ST14: variants seen among roughly 807,000 people sequenced by gnomAD.
ST14 encodes the protein suppressor of tumorigenicity 14 protein.
In ST14, 40 loss-of-function variants were observed where a neutral mutation model predicts 96.5. The observed-to-expected ratio is 0.41, with a 90% confidence interval of 0.32 to 0.54. The LOEUF is 0.54. Ranked by LOEUF, ST14 falls within the 20% of genes least tolerant of loss-of-function variation. The probability of loss-of-function intolerance (pLI) is 0.17; values close to 1 mark genes in which losing one functional copy is unlikely to be tolerated. For synonymous variants in ST14, 506 were observed against 492.1 expected (o/e 1.03, Z -0.37); for missense variants, 1,066 against 1,188.9 (o/e 0.90, Z 1.52).
rs1953254602 is a variant in ST14, at chr11:130,188,047, T to G, written c.82-67T>G. 1 of 1,592,946 alleles carries G rather than the reference T, an allele frequency of 6.3e-7. No individual in the cohort carries two copies. The highest frequency in any genetic ancestry group is 8.6e-7 in the Non-Finnish European group (1 of 1,169,350). ...CTGGACCTCACAAAATGTGAACATCTTCCCCAGCGGGGTGCAGGGGAAGAG... is the reference window on the plus strand; with the variant it reads ...CTGGACCTCACAAAATGTGAACATCGTCCCCAGCGGGGTGCAGGGGAAGAG... On this transcript the variant is annotated intron_variant, in intron 1 of 18. Coordinates refer to ENST00000278742, the MANE Select transcript of ST14 (RefSeq NM_021978.4). This position sits in a 1 kb window ranked among gnomAD's most constrained non-coding sequence, Gnocchi z 5.4.
At chr11:130,203,953 C>A (rs73038965) in intron 16 of ST14, among the ~76,000 whole-genome samples, 9,672 of 152,284 alleles carry the variant, frequency 0.064, 372 homozygotes, top group Middle Eastern at 0.095. Context: ...CCACGCCCGG[C>A]CACCTTTGTT....
At position 130,190,816 on chromosome 11, in the gene ST14, C is replaced by T. The variant is rs1158861801; in HGVS notation, c.875+122C>T. The T allele has an allele frequency of 5.4e-6, 7 of 1,300,466 alleles. No individual in the cohort carries two copies. In the South Asian group the frequency reaches 1.1e-4, roughly 20 times the overall value. The allele number at this position is 1,300,466 out of a possible 1,614,324, so 80.6% of individuals were successfully genotyped here. ...TGGCCGCAGGCCACTGCTAAACATC[C>T]AGGCAGCAGGAGGCACGTGTGGTGT... On this transcript the variant is annotated intron_variant, in intron 7 of 18. Coordinates refer to ENST00000278742, the MANE Select transcript of ST14 (RefSeq NM_021978.4).
At chr11:130,179,002 G>A (rs776333958) in intron 1 of ST14, among the ~76,000 whole-genome samples, 5 of 152,188 alleles carry the variant, frequency 3.3e-5, no homozygotes, top group African/African-American at 9.7e-5. Context: ...AGCAAAGTTC[G>A]ACCTGGCACA....
At chr11:130,180,731 G>A (rs972767234) in intron 1 of ST14, among the ~76,000 whole-genome samples, 4 of 152,162 alleles carry the variant, frequency 2.6e-5, no homozygotes, top group African/African-American at 9.7e-5. Flanking sequence ...TTTCAGCCCT[G>A]GTGAGTTTCT....
chr11:130,175,337 A>G (rs895068769), intron 1 of ST14, among the ~76,000 whole-genome samples: 1 of 151,750 alleles, frequency 6.6e-6, no homozygotes, highest in African/African-American at 2.4e-5. Flanking sequence ...GAAATGGAAT[A>G]TCACTCTTTT....
Position 130,196,409 on chromosome 11 carries a change from G to A in ST14, c.1184G>A (p.Gly395Asp), listed in dbSNP as rs1448044752. ...FYLLEPGVPA[G>D]TCPKDYVEIN... ...CTGCTGGAGCCCGGCGTGCCTGCGG[G>A]CACCTGCCCCAAGGACTACGTGGAG... The change falls in exon 10 of 19, where the codon GGC (glycine) becomes GAC (aspartate). Residue 395 changes from glycine to aspartate, a missense_variant. Transcript: ENST00000278742. The A allele has an allele frequency of 6.2e-7, 1 of 1,610,428 alleles. No individual in the cohort carries two copies. Among genetic ancestry groups the A allele is most frequent in the Admixed American group, 1.7e-5 (1 of 59,498 alleles).
chr11:130,200,150 G>A lies in ST14; in HGVS notation c.1994+13G>A. 6.2e-7 allele frequency: 1 copy of A among 1,613,888 alleles called. No individual in the cohort carries two copies. Among genetic ancestry groups the A allele is most frequent in the Non-Finnish European group, 8.5e-7 (1 of 1,179,882 alleles). ...ACAGAGGATTCAGGTGGGTCTCTGG[G>A]TGGGCAGCAGGGAGCCTCCTTGCTG... On this transcript the variant is annotated intron_variant, in intron 16 of 18. Coordinates refer to ENST00000278742, the MANE Select transcript of ST14 (RefSeq NM_021978.4).
In ST14 at chr11:130,209,563, C is replaced by T; in HGVS notation, c.2391C>T (p.Gly797=). The change falls in exon 18 of 19, where the codon GGC becomes GGT. Residue 797 remains glycine (G), a synonymous_variant. Transcript: ENST00000278742. The part of the protein sequence containing the change: ...RMMCVGFLSG[G]VDSCQGDSGG... ...TGTGCGTGGGCTTCCTCAGCGGCGG[C>T]GTGGACTCCTGCCAGGTGGCCCCCG... is the stretch of plus-strand genomic sequence containing the variant. 1.3e-6 allele frequency: 2 copies of T among 1,575,340 alleles called. No homozygotes were observed. The highest frequency in any genetic ancestry group is 2.3e-5 in the East Asian group (1 of 42,658).
chr11:130,194,851 C>CGTGTGTGT (rs1555154607), intron 9 of ST14, 114 bp downstream of exon 9: 1 of 884,668 alleles, frequency 1.1e-6, no homozygotes. Context: ...CATATGTGTG[C>CGTGTGTGT]ATGTGTGTGT....
chr11:130,194,463 G>A (rs1173716322), intron 8 of ST14, among the ~76,000 whole-genome samples, 175 bp downstream of exon 8: 1 of 152,238 alleles, frequency 6.6e-6, no homozygotes, highest in African/African-American at 2.4e-5. Flanking sequence ...GACCGCCTGG[G>A]TCAGGAGCCC....
rs182201565 is a variant in ST14, at chr11:130,181,261, G to A, written c.82-6853G>A. The stretch of plus-strand genomic sequence containing the variant: ...TCCCTGTTAGATCCTGGCCCTTTAG[G>A]GTCTGTACCCTGCTTGTCCTGAGCC... On this transcript the variant is annotated intron_variant, in intron 1 of 18. Transcript: ENST00000278742. The surrounding 1 kb of genome is among the most constrained non-coding windows in gnomAD (Gnocchi z 4.1). Among the ~76,000 whole-genome samples the A allele has an allele frequency of 7.0e-4, 107 of 152,136 alleles. No individual in the cohort carries two copies. The highest frequency in any genetic ancestry group is 2.5e-3 in the Admixed American group (38 of 15,292).
chr11:130,197,573 G>T (rs908853960), intron 11 of ST14, among the ~76,000 whole-genome samples: 1 of 152,248 alleles, frequency 6.6e-6, no homozygotes, highest in African/African-American at 2.4e-5. Flanking sequence ...GGGCACCTGG[G>T]GCTTCCTGGG....
chr11:130,180,286 G>A (rs767577678), intron 1 of ST14, among the ~76,000 whole-genome samples: 7 of 152,158 alleles, frequency 4.6e-5, no homozygotes, highest in Non-Finnish European at 1.0e-4. Flanking sequence ...TGCCCTTCAC[G>A]GTCCCTCCCC....
At chr11:130,200,270 C>T in intron 16 of ST14, 133 bp downstream of exon 16, 1 of 1,015,402 alleles carries the variant, frequency 9.8e-7, no homozygotes. Context: ...TTGAGTTGCT[C>T]TAAAGAAATA....
At chr11:130,166,526 A>G (rs2136201560) in intron 1 of ST14, among the ~76,000 whole-genome samples, 1 of 152,312 alleles carries the variant, frequency 6.6e-6, no homozygotes, top group Non-Finnish European at 1.5e-5. Context: ...AACAGCTCAG[A>G]TGAGGACTTG....
At chr11:130,186,798 T>G (rs940146762) in intron 1 of ST14, among the ~76,000 whole-genome samples, 6 of 152,186 alleles carry the variant, frequency 3.9e-5, no homozygotes, top group East Asian at 1.9e-4. Flanking sequence ...GATGTCTAGA[T>G]AGATGAATCA....
chr11:130,189,961 T>C (rs1375417349), intron 5 of ST14, 65 bp downstream of exon 5: 1 of 1,612,864 alleles, frequency 6.2e-7, no homozygotes, highest in Non-Finnish European at 8.5e-7. Context: ...GGCTGGGCCC[T>C]GGACCATTGC....
chr11:130,166,712 A>C (rs1953044531), intron 1 of ST14, among the ~76,000 whole-genome samples: 1 of 152,170 alleles, frequency 6.6e-6, no homozygotes, highest in Non-Finnish European at 1.5e-5. Context: ...ACCTCCCTCA[A>C]CCATGGAGCA....
chr11:130,205,651 C>T (rs940952397), intron 16 of ST14, among the ~76,000 whole-genome samples: 6 of 150,714 alleles, frequency 4.0e-5, no homozygotes, highest in East Asian at 1.9e-4. Context: ...AGCTGACGTA[C>T]GCGTCATAAA....
Sources: gnomAD v4.1 joint callset for allele counts (sites outside exome capture counted in the v4.1 genomes callset) on GRCh38, gnomAD v4.1.1 for gene constraint, Gnocchi (gnomAD v3.1) non-coding constraint, MANE v1.5 for transcripts, NCBI Gene and HGNC (gene_info 2026-07-23, HGNC 2026-07-21) for gene names.